The following NUMBL variants were observed in gnomAD, a reference collection of about 807,000 sequenced individuals.
NUMBL encodes the protein numb-like protein.
Under a neutral mutation model 48.9 loss-of-function variants are expected in NUMBL, and 20 were observed. That is an observed-to-expected ratio of 0.41 (90% confidence interval 0.29 to 0.59). The LOEUF is 0.59. Among genes scored for constraint, NUMBL ranks in the 20% least tolerant of loss-of-function variants. The probability of loss-of-function intolerance (pLI) is 0.31; values close to 1 mark genes in which losing one functional copy is unlikely to be tolerated. For missense variants in NUMBL, 660 were observed against 846.2 expected (o/e 0.78, Z 2.73); for synonymous variants, 340 against 348.7 (o/e 0.98, Z 0.28).
chr19:40,676,130 C>T lies in NUMBL; in HGVS notation c.730+1102G>A, dbSNP rs181158407. Among the ~76,000 whole-genome samples, 26 of 152,270 alleles carry T rather than the reference C, an allele frequency of 1.7e-4. No individual in the cohort carries two copies. The East Asian group carries it at 5.0e-3, about 29-fold the overall frequency. On this transcript the variant is annotated intron_variant, in intron 7 of 9. Transcript: ENST00000252891. ...CATGGGCTGGGCCCAGTTGTCCACA[C>T]CTATAATACCAGTGCTTTGGGAGGC...
In NUMBL at chr19:40,687,366, G is replaced by A. The variant is rs1012009272; in HGVS notation, c.25-371C>T. ...AGCTTTACACACTTGGTTACACATA[G>A]ACGCAATCACAGCTACACACCTCAG... On this transcript the variant is annotated intron_variant, in intron 1 of 9. Transcript: ENST00000252891. This position sits in a 1 kb window ranked among gnomAD's most constrained non-coding sequence, Gnocchi z 4.6. Among the ~76,000 whole-genome samples the A allele has an allele frequency of 2.0e-5, 3 of 152,154 alleles. No individual in the cohort carries two copies. Among genetic ancestry groups the A allele is most frequent in the Admixed American group, 6.6e-5 (1 of 15,264 alleles).
Position 40,669,932 on chromosome 19 carries a change from TC to T in NUMBL, c.1124del (p.Gly375GlufsTer210). On this transcript the variant is annotated frameshift_variant, in exon 9 of 10. Coordinates refer to ENST00000252891, the MANE Select transcript of NUMBL (RefSeq NM_004756.5). LOFTEE classifies it low-confidence loss of function (END_TRUNC). The stretch of plus-strand genomic sequence containing the variant: ...CAGGTGGTGGCCCTGGTGCTGGCGC[TC>T]CAGCACTGGCAAAAGATGAACTGAT... The part of the protein sequence containing the change: ...TQISSSFASA[G>X]APAPGPPPAT... The T allele has an allele frequency of 6.2e-7, 1 of 1,614,008 alleles. No individual in the cohort carries two copies.
chr19:40,677,467 C>T (rs370210229), intron 6 of NUMBL, 46 bp from the exon 7 acceptor site: 212 of 1,554,638 alleles, frequency 1.4e-4, no homozygotes, highest in African/African-American at 1.2e-3. Context: ...CTGGGCAGTG[C>T]GGACAGGGGC....
rs1231679332 is a variant in NUMBL, at chr19:40,673,289, C to T, written c.1036+55G>A. ...CCATCTCGCCTCCATCCCTTGCCCA[C>T]ATCAGATAGTGCCAATTGATTCCAA... On this transcript the variant is annotated intron_variant, in intron 8 of 9. Coordinates refer to ENST00000252891, the MANE Select transcript of NUMBL (RefSeq NM_004756.5). This position sits in a 1 kb window ranked among gnomAD's most constrained non-coding sequence, Gnocchi z 5.9. The T allele has an allele frequency of 7.2e-6, 11 of 1,519,264 alleles. No individual in the cohort carries two copies. The highest frequency in any genetic ancestry group is 9.8e-6 in the Non-Finnish European group (11 of 1,126,154). 94.1% of individuals were successfully genotyped at this position (1,519,264 alleles called of 1,614,324 possible).
At chr19:40,686,357 T>A (rs901973627) in intron 2 of NUMBL, among the ~76,000 whole-genome samples, 6 of 146,712 alleles carry the variant, frequency 4.1e-5, no homozygotes, top group Non-Finnish European at 7.5e-5. Flanking sequence ...TTTCTCCATG[T>A]TGGTCAGGCT....
At chr19:40,676,810 CTTTA>C (rs969415749) in intron 7 of NUMBL, among the ~76,000 whole-genome samples, 1 of 151,272 alleles carries the variant, frequency 6.6e-6, no homozygotes, top group Non-Finnish European at 1.5e-5. Context: ...ATGGAAGTTG[CTTTA>C]TTTATTTATT....
chr19:40,674,553 TA>T (rs1041076085), intron 7 of NUMBL, among the ~76,000 whole-genome samples: 6 of 152,180 alleles, frequency 3.9e-5, no homozygotes, highest in Non-Finnish European at 8.8e-5. Context: ...CCATGGAGAT[TA>T]AACTCAGGCC....
chr19:40,676,375 A>T (rs2081876034), intron 7 of NUMBL, among the ~76,000 whole-genome samples: 2 of 152,224 alleles, frequency 1.3e-5, no homozygotes, highest in East Asian at 3.9e-4. Context: ...CCTGGGCAAC[A>T]GAATTAGACC....
chr19:40,673,696 G>A lies in NUMBL; in HGVS notation c.731-47C>T. The A allele has an allele frequency of 2.1e-6, 3 of 1,429,808 alleles. No individual in the cohort carries two copies. In the South Asian group the frequency reaches 4.4e-5, roughly 21 times the overall value. 88.6% of individuals were successfully genotyped at this position (1,429,808 alleles called of 1,614,324 possible). A position where few individuals can be genotyped will look rare whatever the true frequency, so the allele number is the denominator to read the frequency against. The stretch of plus-strand genomic sequence containing the variant: ...ATGGTTAGATATCTCACCATGGCAT[G>A]CAAGGCCTCTCCCACCTGGTTCTCT... On this transcript the variant is annotated intron_variant, in intron 7 of 9. Transcript: ENST00000252891. The surrounding 1 kb of genome is among the most constrained non-coding windows in gnomAD (Gnocchi z 5.9).
rs1367380793 is a variant in NUMBL at position 40,688,811 on chromosome 19, C to G, written c.24+1649G>C. Among the ~76,000 whole-genome samples, 1 of 152,146 alleles carries G rather than the reference C, an allele frequency of 6.6e-6. No individual in the cohort carries two copies. Among genetic ancestry groups the G allele is most frequent in the East Asian group, 1.9e-4 (1 of 5,206 alleles). ...TCAGACACCAAGTCAAATACATAAC[C>G]CAAATCACACATGCAAGGCTAGAAA... On this transcript the variant is annotated intron_variant, in intron 1 of 9. Coordinates refer to ENST00000252891, the MANE Select transcript of NUMBL (RefSeq NM_004756.5). The surrounding 1 kb of genome is among the most constrained non-coding windows in gnomAD (Gnocchi z 4.6).
chr19:40,667,870 T>G lies in NUMBL; in HGVS notation c.1428A>C (p.Gln476His). ...GTGGGGGTGGCAGGAACACGGCCAC[T>G]TGGGCAGGTGCAGCGTCAAAGGGCC... ...PVGPFDAAPAQVAVFLPPPHM... is the reference protein window; with the variant it reads ...PVGPFDAAPAHVAVFLPPPHM... The change falls in exon 10 of 10, where the codon CAA (glutamine) becomes CAC (histidine). Residue 476 changes from glutamine to histidine, a missense_variant. This residue lies in a region of NUMBL where 296 missense variants were observed against 339.7 expected (regional missense o/e 0.87). Transcript: ENST00000252891. The surrounding 1 kb of genome is among the most constrained non-coding windows in gnomAD (Gnocchi z 6.1). 6 of 1,588,588 alleles carry G rather than the reference T, an allele frequency of 3.8e-6. No homozygotes were observed. Among genetic ancestry groups the G allele is most frequent in the Non-Finnish European group, 4.3e-6 (5 of 1,167,500 alleles).
intron 8 of NUMBL, among the ~76,000 whole-genome samples, chr19:40,671,505 G>A (rs2081847757): frequency 6.6e-6 from 1 of 152,170 alleles, no homozygotes; most frequent in Non-Finnish European, 1.5e-5. Context: ...CCTCTCAGGA[G>A]CACGTGTGAC....
intron 3 of NUMBL, 54 bp from the exon 4 acceptor site, chr19:40,683,022 T>A: frequency 6.7e-7 from 1 of 1,488,598 alleles, no homozygotes; most frequent in Non-Finnish European, 9.4e-7. Flanking sequence ...TAATCACTCA[T>A]TCTCAGTGTC....
Position 40,677,393 on chromosome 19 carries a change from C to G in NUMBL, c.569G>C (p.Cys190Ser). The G allele has an allele frequency of 6.2e-7, 1 of 1,610,732 alleles. No homozygotes were observed. The highest frequency in any genetic ancestry group is 2.2e-5 in the East Asian group (1 of 44,876). The change falls in exon 7 of 10, where the codon TGT (cysteine) becomes TCT (serine). Residue 190 changes from cysteine (C) to serine (S), a missense_variant. Around this residue, in one of 3 missense-constraint regions of NUMBL, gnomAD observed 278 missense variants for 420.6 expected, o/e 0.66. Transcript: ENST00000252891. ...SGERLSHAVG[C>S]AFAACLERKQ... ...TCGCTCCAGGCAGGCGGCAAAAGCA[C>G]AGCCCACAGCGTGGCTCAGCCTCTC...
chr19:40,686,811 T>C (rs2081937310), intron 2 of NUMBL, 100 bp downstream of exon 2: 1 of 753,864 alleles, frequency 1.3e-6, no homozygotes, highest in African/African-American at 1.8e-5. Flanking sequence ...CACTCATGAG[T>C]GTGATTAAGC....
chr19:40,684,225 C>A, intron 3 of NUMBL, 192 bp downstream of exon 3: 2 of 600,314 alleles, frequency 3.3e-6, no homozygotes, highest in Non-Finnish European at 5.6e-6. Flanking sequence ...CCCGCCACCA[C>A]GCGAGGCTAA....
rs2081804540 is a variant in NUMBL, at chr19:40,666,112, A to ATAT, written c.*1353_*1355dup. The ATAT allele has an allele frequency of 6.6e-6, 1 of 151,674 alleles. No individual in the cohort carries two copies. Among genetic ancestry groups the ATAT allele is most frequent in the African/African-American group, 2.4e-5 (1 of 41,262 alleles). The allele number at this position is 151,674 out of a possible 1,614,324, so 9.4% of individuals were successfully genotyped here. ...ACTGTTACCAACCCAACTTGTTAAA[A>ATAT]TATTAATATTGAGCTAATTAGAAGT... is the stretch of plus-strand genomic sequence containing the variant. On this transcript the variant is annotated 3_prime_UTR_variant, in exon 10 of 10. Transcript: ENST00000252891.
chr19:40,678,382 C>T (rs1008394537), intron 6 of NUMBL, among the ~76,000 whole-genome samples: 4 of 152,168 alleles, frequency 2.6e-5, no homozygotes, highest in African/African-American at 7.2e-5. Context: ...AGGCTGGACT[C>T]GAACTCCTGA....
chr19:40,684,319 G>A (rs2081921971), intron 3 of NUMBL, 98 bp downstream of exon 3: 11 of 1,355,488 alleles, frequency 8.1e-6, no homozygotes, highest in Non-Finnish European at 1.1e-5. Context: ...AACTTCAAAC[G>A]ACTTGGGCTG....
Sources: allele counts gnomAD v4.1 joint callset (sites outside exome capture counted in the v4.1 genomes callset), GRCh38; gene constraint gnomAD v4.1.1; regional missense constraint gnomAD v4.1.1; non-coding constraint Gnocchi (gnomAD v3.1); transcripts MANE v1.5; gene names NCBI Gene and HGNC (gene_info 2026-07-23, HGNC 2026-07-21).